Variants in GRHL1 observed in about 807,000 individuals in gnomAD.
The protein encoded by GRHL1 is grainyhead like transcription factor 1.
GRHL1 carries 38 observed loss-of-function variants against 75.7 expected under a neutral mutation model. That is an observed-to-expected ratio of 0.50 (90% CI 0.39 to 0.66). The LOEUF (loss-of-function observed/expected upper bound fraction) is 0.66, where lower values mean the gene tolerates loss of function less well. GRHL1 is among the 30% of genes least tolerant of loss of function. The pLI, the probability that GRHL1 is intolerant of heterozygous loss-of-function variation, is 0.00. For synonymous variants in GRHL1, 266 were observed against 279.4 expected (o/e 0.95, Z 0.48); for missense variants, 589 against 767.5 (o/e 0.77, Z 2.75).
chr2:9,956,998 TCTTC>T (rs1293832253), intron 2 of GRHL1, among the ~76,000 whole-genome samples: 6 of 133,634 alleles, frequency 4.5e-5, no homozygotes, highest in African/African-American at 1.2e-4. Context: ...TTCTTCTTCT[TCTTC>T]TTTTTTTTTT....
Position 10,001,462 on chromosome 2 carries a change from T to C in GRHL1, c.*755T>C, listed in dbSNP as rs577167605. ...GGTGTCTGTGTACATATAGTGAAGA[T>C]ATGCAGTAAGAGCTACCTTAAAGAC... On this transcript the variant is annotated 3_prime_UTR_variant, in exon 16 of 16. Transcript: ENST00000324907. 6.6e-6 allele frequency: 1 copy of C among 152,410 alleles called. No homozygotes were observed. Among genetic ancestry groups the C allele is most frequent in the East Asian group, 1.9e-4 (1 of 5,192 alleles). 9.4% of individuals were successfully genotyped at this position (152,410 alleles called of 1,614,324 possible). A position where few individuals can be genotyped will look rare whatever the true frequency, so the allele number is the denominator to read the frequency against.
At chr2:9,959,063 T>G (rs1421570930) in intron 3 of GRHL1, 18 of 550,276 alleles carry the variant, frequency 3.3e-5, no homozygotes, top group Non-Finnish European at 4.9e-5. Flanking sequence ...AGTTGCCTTT[T>G]CTAGGATGAA....
intron 8 of GRHL1, among the ~76,000 whole-genome samples, chr2:9,980,470 C>A (rs1041323667): frequency 3.3e-5 from 5 of 150,190 alleles, no homozygotes; most frequent in African/African-American, 1.2e-4. Flanking sequence ...TGCATAAATT[C>A]TTGGTCAGGA....
chr2:9,973,157 G>A (rs1339298960), intron 8 of GRHL1, among the ~76,000 whole-genome samples: 1 of 152,146 alleles, frequency 6.6e-6, no homozygotes, highest in Non-Finnish European at 1.5e-5. Context: ...TAACACAAAT[G>A]CTGGCTGCCG....
At chr2:9,956,984 TTTC>T (rs1242356617) in intron 2 of GRHL1, among the ~76,000 whole-genome samples, 117 of 148,638 alleles carry the variant, frequency 7.9e-4, no homozygotes, top group East Asian at 2.3e-3. Flanking sequence ...GTAAATTTAT[TTTC>T]TTCTTCTTCT....
intron 8 of GRHL1, among the ~76,000 whole-genome samples, chr2:9,971,655 G>T (rs556576636): frequency 6.6e-6 from 1 of 152,202 alleles, no homozygotes; most frequent in African/African-American, 2.4e-5. Flanking sequence ...AATAAACAAT[G>T]AAATGTTTTT....
Position 9,977,343 on chromosome 2 carries a change from C to T in GRHL1, c.1111-8781C>T, listed in dbSNP as rs188900980. Among the ~76,000 whole-genome samples, 132 of 151,896 alleles carry T rather than the reference C, an allele frequency of 8.7e-4. 1 individual carries two copies. Among genetic ancestry groups the T allele is most frequent in the African/African-American group, 3.0e-3 (124 of 41,444 alleles). On this transcript the variant is annotated intron_variant, in intron 8 of 15. Coordinates refer to ENST00000324907, the MANE Select transcript of GRHL1 (RefSeq NM_198182.3). ...ACTGGAAGAAATTTTTTTTTTCAGA[C>T]GAAGTCTTGCTCTGTCACTCAGGCT...
rs1668481133 is a variant in GRHL1 at position 9,987,660 on chromosome 2, T to C, written c.1269+1378T>C. On this transcript the variant is annotated intron_variant, in intron 9 of 15. Coordinates refer to ENST00000324907, the MANE Select transcript of GRHL1 (RefSeq NM_198182.3). The surrounding 1 kb of genome is among the most constrained non-coding windows in gnomAD (Gnocchi z 4.2). ...GACCTGTTTTCCCTGGTGTGGCTCTTTTTTTATCTGGAGAAGAGAGGCTTA... is the reference window on the plus strand; with the variant it reads ...GACCTGTTTTCCCTGGTGTGGCTCTCTTTTTATCTGGAGAAGAGAGGCTTA... Among the ~76,000 whole-genome samples the C allele has an allele frequency of 6.6e-6, 1 of 152,126 alleles. No individual in the cohort carries two copies. Among genetic ancestry groups the C allele is most frequent in the Non-Finnish European group, 1.5e-5 (1 of 68,034 alleles).
At chr2:9,991,369 T>C (rs901984470) in intron 10 of GRHL1, among the ~76,000 whole-genome samples, 2 of 152,180 alleles carry the variant, frequency 1.3e-5, no homozygotes, top group Non-Finnish European at 2.9e-5. Context: ...TCTGTCTGGC[T>C]CAGCAGACAT....
In GRHL1 at chr2:9,998,423, CATGT is replaced by C. The variant is rs1374719095; in HGVS notation, c.1678-541_1678-538del. On this transcript the variant is annotated intron_variant, in intron 14 of 15. Transcript: ENST00000324907. ...AAAAACAAAAAGTCGAGTGACTATG[CATGT>C]GTGTGTGTGTGTGTGTGTGTGTATA... Among the ~76,000 whole-genome samples the C allele has an allele frequency of 7.4e-4, 25 of 33,848 alleles. 1 individual carries two copies. Among genetic ancestry groups the C allele is most frequent in the Middle Eastern group, 0.015 (1 of 66 alleles). The allele number at this position is 33,848 out of a possible 152,430, so 22.2% of individuals were successfully genotyped here.
intron 8 of GRHL1, 143 bp from the exon 9 acceptor site, chr2:9,985,981 A>T: frequency 1.6e-6 from 1 of 630,184 alleles, no homozygotes; most frequent in Non-Finnish European, 2.7e-6. Flanking sequence ...ACCTCTTTTT[A>T]AAAACCCTTT....
At chr2:9,971,129 A>C (rs1246949749) in intron 8 of GRHL1, among the ~76,000 whole-genome samples, 2 of 152,150 alleles carry the variant, frequency 1.3e-5, no homozygotes, top group African/African-American at 4.8e-5. Context: ...TTGTCTAAGC[A>C]TAATATTTGG....
At chr2:9,982,472 C>T (rs1174753251) in intron 8 of GRHL1, among the ~76,000 whole-genome samples, 1 of 152,224 alleles carries the variant, frequency 6.6e-6, no homozygotes, top group Admixed American at 6.5e-5. Context: ...GTAGCCAGGA[C>T]ATCTGACATC....
At chr2:9,954,444 G>A (rs1452902933) in intron 1 of GRHL1, among the ~76,000 whole-genome samples, 1 of 152,122 alleles carries the variant, frequency 6.6e-6, no homozygotes, top group Non-Finnish European at 1.5e-5. Flanking sequence ...ACTGTGTTCA[G>A]GTAGGAATTT....
Position 9,999,000 on chromosome 2 carries a change from T to C in GRHL1, c.1713T>C (p.Ile571=), listed in dbSNP as rs540882011. Residue 571 remains isoleucine, a synonymous_variant, in exon 15 of 16, where the codon ATT becomes ATC. Coordinates refer to ENST00000324907, the MANE Select transcript of GRHL1 (RefSeq NM_198182.3). ...SDKYDVPHDK[I]GKIFKKCKKG... ...AATACGATGTTCCCCATGACAAGAT[T>C]GGGAAAATATTCAAGAAGTGTAAAA... is the stretch of plus-strand genomic sequence containing the variant. The C allele has an allele frequency of 3.1e-5, 49 of 1,582,064 alleles. No homozygotes were observed. In the South Asian group the frequency reaches 3.7e-4, roughly 12 times the overall value.
chr2:9,961,428 G>A lies in GRHL1; in HGVS notation c.661G>A (p.Val221Ile), dbSNP rs140278187. 509 of 1,602,698 alleles carry A rather than the reference G, an allele frequency of 3.2e-4. No individual in the cohort carries two copies. Among genetic ancestry groups the A allele is most frequent in the Non-Finnish European group, 4.1e-4 (483 of 1,171,078 alleles). Residue 221 changes from valine to isoleucine, a missense_variant, in exon 4 of 16, where the codon GTT (valine) becomes ATT (isoleucine). Around this residue, in one of 5 missense-constraint regions of GRHL1, gnomAD observed 362 missense variants for 461.8 expected, o/e 0.78. Transcript: ENST00000324907. ...STFSETFKEGVQEVFFPSDLS... is the reference protein window; with the variant it reads ...STFSETFKEGIQEVFFPSDLS... ...CTTCTCAGAGACCTTCAAGGAAGGC[G>A]TTCAGGAGGTAAGGAAACAAAAACA...
Position 9,961,077 on chromosome 2 carries a change from C to G in GRHL1, c.310C>G (p.Leu104Val). 1 of 1,555,656 alleles carries G rather than the reference C, an allele frequency of 6.4e-7. No homozygotes were observed. Among genetic ancestry groups the G allele is most frequent in the Non-Finnish European group, 8.7e-7 (1 of 1,148,484 alleles). Reference sequence around the variant, plus strand: ...CATACCAATTGTGACAGAGCAGCCCCTCATCTCTGCTGGAGAAAACAGAGT... The same window carrying G: ...CATACCAATTGTGACAGAGCAGCCCGTCATCTCTGCTGGAGAAAACAGAGT... ...NSIPIVTEQP[L>V]ISAGENRVQV... The change falls in exon 4 of 16, where the codon CTC becomes GTC. Residue 104 changes from leucine to valine, a missense_variant. Around this residue, in one of 5 missense-constraint regions of GRHL1, gnomAD observed 362 missense variants for 461.8 expected, o/e 0.78. Transcript: ENST00000324907.
intron 12 of GRHL1, among the ~76,000 whole-genome samples, chr2:9,993,995 T>A (rs1158047923): frequency 6.6e-6 from 1 of 152,228 alleles, no homozygotes; most frequent in Non-Finnish European, 1.5e-5. Flanking sequence ...GCTCAGGTTG[T>A]CCCAGAATTG....
intron 8 of GRHL1, among the ~76,000 whole-genome samples, chr2:9,981,483 G>A (rs1449272186): frequency 6.6e-6 from 1 of 152,260 alleles, no homozygotes; most frequent in Non-Finnish European, 1.5e-5. Flanking sequence ...CTGGTCAGCA[G>A]ACGACAGCTC....
Sources: allele counts gnomAD v4.1 joint callset (sites outside exome capture counted in the v4.1 genomes callset), GRCh38; gene constraint gnomAD v4.1.1; regional missense constraint gnomAD v4.1.1; non-coding constraint Gnocchi (gnomAD v3.1); transcripts MANE v1.5; gene names NCBI Gene and HGNC (gene_info 2026-07-23, HGNC 2026-07-21).